Variants in UBE2J1 observed in about 807,000 individuals in gnomAD.
The protein encoded by UBE2J1 is ubiquitin conjugating enzyme E2 J1.
UBE2J1 carries 17 observed loss-of-function variants against 42.1 expected under a neutral mutation model. The ratio of observed to expected loss-of-function variants is 0.40; its 90% CI spans 0.28 to 0.61. The LOEUF is 0.61. Ranked by LOEUF, UBE2J1 falls within the 20% of genes least tolerant of loss-of-function variation. UBE2J1 has a pLI of 0.38. For synonymous variants in UBE2J1, 127 were observed against 137.2 expected (o/e 0.93, Z 0.52); for missense variants, 291 against 389.4 (o/e 0.75, Z 2.13).
chr6:89,335,458 A>C (rs780568162), intron 5 of UBE2J1, 27 bp from the exon 6 acceptor site: 1 of 1,519,790 alleles, frequency 6.6e-7, no homozygotes, highest in Non-Finnish European at 8.9e-7. Flanking sequence ...TTTTAAATGA[A>C]AATAAATAGT....
intron 1 of UBE2J1, among the ~76,000 whole-genome samples, chr6:89,348,567 A>G (rs1200213166): frequency 6.6e-6 from 1 of 152,194 alleles, no homozygotes; most frequent in African/African-American, 2.4e-5. Context: ...GCAAATGCCT[A>G]CAGAGTGATG....
chr6:89,339,902 G>C (rs767235233), intron 3 of UBE2J1, among the ~76,000 whole-genome samples: 8 of 151,954 alleles, frequency 5.3e-5, no homozygotes, highest in Non-Finnish European at 1.2e-4. Context: ...TATAGTCTCA[G>C]CTACTCAGGA....
intron 6 of UBE2J1, 74 bp from the exon 7 acceptor site, chr6:89,333,279 T>A (rs1768044957): frequency 6.7e-7 from 1 of 1,483,342 alleles, no homozygotes; most frequent in East Asian, 2.4e-5. Flanking sequence ...TACAACCTGC[T>A]AAATCCTCTC....
At chr6:89,338,596 T>C in intron 3 of UBE2J1, 53 bp from the exon 4 acceptor site, 2 of 922,630 alleles carry the variant, frequency 2.2e-6, no homozygotes, top group South Asian at 2.5e-5. Context: ...TTAATGTTTA[T>C]ACTTTCTGTA....
chr6:89,334,071 T>G (rs1408133211), intron 6 of UBE2J1, among the ~76,000 whole-genome samples: 1 of 152,216 alleles, frequency 6.6e-6, no homozygotes, highest in Non-Finnish European at 1.5e-5. Context: ...AGGCACAATC[T>G]TGGCTCACTG....
At chr6:89,341,725 TAA>T (rs76220211) in intron 3 of UBE2J1, among the ~76,000 whole-genome samples, 13 of 139,930 alleles carry the variant, frequency 9.3e-5, no homozygotes, top group African/African-American at 2.4e-4. Context: ...CCGTGTCTCT[TAA>T]AAAAAAAAAA....
At chr6:89,345,409 CT>C (rs1768342222) in intron 1 of UBE2J1, among the ~76,000 whole-genome samples, 1 of 152,002 alleles carries the variant, frequency 6.6e-6, no homozygotes, top group Non-Finnish European at 1.5e-5. Flanking sequence ...CGAGACTAGC[CT>C]GGCCAACATG....
intron 1 of UBE2J1, 62 bp from the exon 2 acceptor site, chr6:89,343,818 T>A: frequency 7.6e-7 from 1 of 1,315,058 alleles, no homozygotes; most frequent in Non-Finnish European, 1.0e-6. Context: ...ATTAGCACAG[T>A]CTTACGAGCC....
intron 7 of UBE2J1, among the ~76,000 whole-genome samples, chr6:89,330,350 T>TTGGCGTGGTTC: frequency 6.6e-6 from 1 of 152,194 alleles, no homozygotes; most frequent in East Asian, 1.9e-4. Context: ...GGGATCTTGT[T>TTGGCGTGGTTC]ACATTGCCCA....
In UBE2J1 at chr6:89,351,061, G is replaced by A. The variant is rs541861644; in HGVS notation, c.31+1478C>T. On this transcript the variant is annotated intron_variant, in intron 1 of 7. Coordinates refer to ENST00000435041, the MANE Select transcript of UBE2J1 (RefSeq NM_016021.3). ...TCTTTTCTTCCTCCCTCCCCACCCC[G>A]GGATTCTCTTTTTTTTTTTTTTTTT... Among the ~76,000 whole-genome samples, 8 of 144,488 alleles carry A rather than the reference G, an allele frequency of 5.5e-5. No homozygotes were observed. The East Asian group carries it at 1.7e-3, about 30-fold the overall frequency. 94.8% of individuals were successfully genotyped at this position (144,488 alleles called of 152,430 possible). A position where few individuals can be genotyped will look rare whatever the true frequency, so the allele number is the denominator to read the frequency against.
At chr6:89,331,439 C>T (rs2127860143) in intron 7 of UBE2J1, among the ~76,000 whole-genome samples, 1 of 152,234 alleles carries the variant, frequency 6.6e-6, no homozygotes, top group East Asian at 1.9e-4. Flanking sequence ...ATTATTTGTA[C>T]ACTCTAATTT....
At position 89,329,706 on chromosome 6, in the gene UBE2J1, G is replaced by A. The variant is rs3822871; in HGVS notation, c.930C>T (p.Asn310=). 1,604 of 1,614,052 alleles carry A rather than the reference G, an allele frequency of 9.9e-4. 13 individuals are homozygous for A. In the East Asian group the frequency reaches 0.02, roughly 20 times the overall value. Residue 310 remains asparagine (N), a synonymous_variant, in exon 8 of 8, where the codon AAC becomes AAT. Transcript: ENST00000435041. ...ALIFRRIYLA[N]EYIFDFEL is the part of the protein sequence containing the mutation. ...ATAACTCAAAGTCAAATATGTATTC[G>A]TTTGCCAGATATATTCGTCGGAATA...
At chr6:89,331,251 A>G (rs1768003661) in intron 7 of UBE2J1, among the ~76,000 whole-genome samples, 1 of 152,244 alleles carries the variant, frequency 6.6e-6, no homozygotes, top group Admixed American at 6.5e-5. Flanking sequence ...TTATATAATC[A>G]TACTCTGAGA....
chr6:89,333,072 G>A lies in UBE2J1; in HGVS notation c.678+14C>T, dbSNP rs1768038939. The A allele has an allele frequency of 6.3e-7, 1 of 1,590,254 alleles. No individual in the cohort carries two copies. The highest frequency in any genetic ancestry group is 1.8e-5 in the Admixed American group (1 of 55,300). On this transcript the variant is annotated intron_variant, in intron 7 of 7. Coordinates refer to ENST00000435041, the MANE Select transcript of UBE2J1 (RefSeq NM_016021.3). ...ATAGAGACATACATATATATTAAAAGATAAGAGCCATACCGATGTACTGGC... is the reference window on the plus strand; with the variant it reads ...ATAGAGACATACATATATATTAAAAAATAAGAGCCATACCGATGTACTGGC...
chr6:89,339,478 G>A (rs1346947689), intron 3 of UBE2J1, among the ~76,000 whole-genome samples: 1 of 4,156 alleles, frequency 2.4e-4, no homozygotes, highest in Non-Finnish European at 5.8e-4. Flanking sequence ...GGGGGGGAGG[G>A]GGGAGGAGAG....
chr6:89,352,452 G>T, intron 1 of UBE2J1, 87 bp downstream of exon 1: 3 of 1,415,700 alleles, frequency 2.1e-6, no homozygotes, highest in Non-Finnish European at 2.8e-6. Context: ...CGCGAGTGGC[G>T]CCAGACGCGA....
intron 2 of UBE2J1, among the ~76,000 whole-genome samples, chr6:89,343,038 C>T (rs1453756448): frequency 2.6e-5 from 4 of 152,002 alleles, no homozygotes; most frequent in African/African-American, 7.3e-5. Context: ...TGAGAGAGGC[C>T]GAGATGTTTA....
At chr6:89,349,982 A>G (rs1768439043) in intron 1 of UBE2J1, among the ~76,000 whole-genome samples, 1 of 95,422 alleles carries the variant, frequency 1.0e-5, no homozygotes, top group Admixed American at 1.0e-4. Flanking sequence ...TCCATAGACA[A>G]CTATTGACAG....
At position 89,335,366 on chromosome 6, in the gene UBE2J1, G is replaced by C. The variant is rs1197195777; in HGVS notation, c.494C>G (p.Ser165Cys). 1 of 1,608,736 alleles carries C rather than the reference G, an allele frequency of 6.2e-7. No homozygotes were observed. The highest frequency in any genetic ancestry group is 8.5e-7 in the Non-Finnish European group (1 of 1,176,582). The change falls in exon 6 of 8, where the codon TCT becomes TGT. Residue 165 changes from serine to cysteine, a missense_variant. Transcript: ENST00000435041. The part of the protein sequence containing the change: ...AMKDVLLPLK[S>C]GSDSSQADQE... ...GTCAGCTTGGCTTGAATCGCTTCCAGATTTTAAAGGCAACAGGACATCCTT... is the reference window on the plus strand; with the variant it reads ...GTCAGCTTGGCTTGAATCGCTTCCACATTTTAAAGGCAACAGGACATCCTT...
Sources: allele counts gnomAD v4.1 joint callset (sites outside exome capture counted in the v4.1 genomes callset), GRCh38; gene constraint gnomAD v4.1.1; transcripts MANE v1.5; gene names NCBI Gene and HGNC (gene_info 2026-07-23, HGNC 2026-07-21).